ANK2: variants seen among roughly 807,000 people sequenced by gnomAD.
ANK2 encodes ankyrin-2.
Under a neutral mutation model 360.5 loss-of-function variants are expected in ANK2, and 83 were observed. That is an observed-to-expected ratio of 0.23 (90% CI 0.19 to 0.28). The LOEUF is 0.28. Among genes scored for constraint, ANK2 ranks in the 10% least tolerant of loss-of-function variants. ANK2 has a pLI of 1.00. For missense variants in ANK2, 4,201 were observed against 4,795.7 expected, an observed-to-expected ratio of 0.88 and a Z score of 3.66; for synonymous variants, 1,740 against 1,759.5, an observed-to-expected ratio of 0.99 and a Z score of 0.28.
intron 1 of ANK2, among the ~76,000 whole-genome samples, chr4:112,877,830 A>G (rs929652184): frequency 6.6e-6 from 1 of 151,892 alleles, no homozygotes; most frequent in African/African-American, 2.4e-5. Flanking sequence ...TAAAACCTCC[A>G]CCTTGGATTC....
At chr4:113,318,712 T>A in intron 26 of ANK2, 92 bp downstream of exon 26, 1 of 1,101,114 alleles carries the variant, frequency 9.1e-7, no homozygotes, top group Non-Finnish European at 1.4e-6. Context: ...AGCTGGTGGC[T>A]AGCTTTACAG....
intron 2 of ANK2, among the ~76,000 whole-genome samples, chr4:112,961,783 G>A (rs2034960081): frequency 6.6e-6 from 1 of 152,106 alleles, no homozygotes; most frequent in South Asian, 2.1e-4. Context: ...GACCAGAGCT[G>A]AGTTTGTGAG....
intron 13 of ANK2, among the ~76,000 whole-genome samples, chr4:113,260,551 T>G (rs371066258): frequency 6.6e-6 from 1 of 152,242 alleles, no homozygotes; most frequent in Non-Finnish European, 1.5e-5. Flanking sequence ...AGCAGATACC[T>G]ATTGATAGGG....
At chr4:113,181,218 C>A (rs1488830529) in intron 2 of ANK2, among the ~76,000 whole-genome samples, 1 of 152,156 alleles carries the variant, frequency 6.6e-6, no homozygotes, top group Non-Finnish European at 1.5e-5. Flanking sequence ...CAAATTATTT[C>A]TATGACTGTC....
At chr4:113,277,805 T>TA in intron 15 of ANK2, 32 bp from the exon 16 acceptor site, 1 of 1,536,834 alleles carries the variant, frequency 6.5e-7, no homozygotes, top group Non-Finnish European at 9.0e-7. Flanking sequence ...CAACAATAAA[T>TA]ACGATTTTAC....
chr4:113,160,506 C>T (rs769418609), intron 1 of ANK2: 1 of 219,684 alleles, frequency 4.6e-6, no homozygotes, highest in Non-Finnish European at 9.4e-6. Flanking sequence ...TTTACTTGAT[C>T]CCCCAAATTT....
At chr4:113,294,233 G>A (rs1463705419) in intron 22 of ANK2, among the ~76,000 whole-genome samples, 1 of 152,276 alleles carries the variant, frequency 6.6e-6, no homozygotes, top group East Asian at 1.9e-4. Flanking sequence ...TAATGCTCCT[G>A]TACCATTCAG....
At chr4:113,333,808 C>CAT (rs2093011296) in intron 29 of ANK2, among the ~76,000 whole-genome samples, 1 of 152,188 alleles carries the variant, frequency 6.6e-6, no homozygotes, top group Non-Finnish European at 1.5e-5. Context: ...CATACATACA[C>CAT]ATCTAGTTTA....
chr4:113,116,668 GC>G (rs1478465918), intron 1 of ANK2, among the ~76,000 whole-genome samples: 1 of 152,236 alleles, frequency 6.6e-6, no homozygotes, highest in Non-Finnish European at 1.5e-5. Flanking sequence ...CAGCAGAGCA[GC>G]CGTAGCAACG....
intron 1 of ANK2, chr4:113,146,092 T>C: frequency 8.1e-7 from 1 of 1,233,900 alleles, no homozygotes; most frequent in Non-Finnish European, 1.0e-6. Context: ...CTAAACTTCC[T>C]GGAAGGAAGC....
the ANK2 span, among the ~76,000 whole-genome samples, chr4:112,737,033 G>C: frequency 1.3e-5 from 2 of 152,156 alleles, no homozygotes; most frequent in African/African-American, 4.8e-5. Flanking sequence ...CTCTGAAGTT[G>C]CATGGTTTGA....
At chr4:113,319,156 T>C (rs2084599551) in intron 26 of ANK2, among the ~76,000 whole-genome samples, 1 of 152,186 alleles carries the variant, frequency 6.6e-6, no homozygotes, top group East Asian at 1.9e-4. Flanking sequence ...AGGTTCTCAG[T>C]TATCTTTTTA....
At chr4:112,843,954 T>C (rs1294184473) in intron 1 of ANK2, among the ~76,000 whole-genome samples, 2 of 152,180 alleles carry the variant, frequency 1.3e-5, no homozygotes, top group Non-Finnish European at 2.9e-5. Context: ...TACAAAAACC[T>C]TGGTTCTGTA....
At chr4:112,890,280 C>G (rs1399171298) in intron 1 of ANK2, among the ~76,000 whole-genome samples, 2 of 152,140 alleles carry the variant, frequency 1.3e-5, no homozygotes, top group Non-Finnish European at 2.9e-5. Context: ...GATTTCCTTT[C>G]CTGTTCCCTC....
intron 2 of ANK2, among the ~76,000 whole-genome samples, chr4:112,997,836 G>A (rs1326404666): frequency 6.7e-6 from 1 of 148,548 alleles, no homozygotes; most frequent in Admixed American, 6.7e-5. Flanking sequence ...ATATACAAAT[G>A]ACATATATAT....
chr4:112,872,857 G>GA (rs2073720331), intron 1 of ANK2, among the ~76,000 whole-genome samples: 2 of 151,868 alleles, frequency 1.3e-5, no homozygotes, highest in Non-Finnish European at 2.9e-5. Flanking sequence ...TTCTTTCTGT[G>GA]AAAAAAATTT....
intron 1 of ANK2, among the ~76,000 whole-genome samples, chr4:113,096,968 G>A (rs1041042700): frequency 1.3e-5 from 2 of 151,270 alleles, no homozygotes; most frequent in Admixed American, 6.6e-5. Flanking sequence ...TTGGGCAAAA[G>A]CAATATTAAT....
intron 24 of ANK2, chr4:113,313,656 ATTTC>A (rs2081246775): frequency 1.3e-5 from 2 of 152,140 alleles, no homozygotes. Flanking sequence ...CCTTTGCATT[ATTTC>A]TTTATCTGAA....
chr4:112,792,414 ATTGGACCTAGTGACAACTAAACAT>A, the ANK2 span, among the ~76,000 whole-genome samples: 1 of 152,178 alleles, frequency 6.6e-6, no homozygotes, highest in South Asian at 2.1e-4. Context: ...GGATATCAGA[ATTGGACCTAGTGACAACTAAACAT>A]TTGAAGGATT....
Sources: gnomAD v4.1 joint callset for allele counts (sites outside exome capture counted in the v4.1 genomes callset) on GRCh38, gnomAD v4.1.1 for gene constraint, MANE v1.5 for transcripts, NCBI Gene and HGNC (gene_info 2026-07-23, HGNC 2026-07-21) for gene names.